Variants in IGSF10 observed in about 807,000 individuals in gnomAD.
The protein encoded by IGSF10 is immunoglobulin superfamily member 10.
A neutral mutation model predicts 128.2 loss-of-function variants in IGSF10; 126 were observed. The ratio of observed to expected loss-of-function variants is 0.98; its 90% CI spans 0.85 to 1.14. The LOEUF (loss-of-function observed/expected upper bound fraction) is 1.14. IGSF10 is among the 50% of genes most tolerant of loss of function. IGSF10 has a pLI of 0.00. For missense variants in IGSF10, 3,295 were observed against 3,149.8 expected (o/e 1.05, Z -1.10); for synonymous variants, 1,185 against 1,146.2 (o/e 1.03, Z -0.68).
chr3:151,442,032 G>A (rs1720887653), intron 7 of IGSF10, among the ~76,000 whole-genome samples: 2 of 152,334 alleles, frequency 1.3e-5, no homozygotes, highest in South Asian at 2.1e-4. Context: ...CTGCACTCCA[G>A]CCTGGGCGAC....
the IGSF10 span, among the ~76,000 whole-genome samples, chr3:151,469,287 GT>G: frequency 6.6e-6 from 1 of 152,076 alleles, no homozygotes; most frequent in Non-Finnish European, 1.5e-5. Flanking sequence ...TGGTATTTCT[GT>G]TTCTAGGTTT....
the IGSF10 span, among the ~76,000 whole-genome samples, chr3:151,488,225 C>T: frequency 3.1e-4 from 47 of 152,066 alleles, no homozygotes; most frequent in Admixed American, 5.9e-4. Context: ...TTCACAATTG[C>T]TACAAAGAGA....
the IGSF10 span, among the ~76,000 whole-genome samples, chr3:151,490,043 C>A: frequency 1.3e-5 from 2 of 152,110 alleles, no homozygotes; most frequent in South Asian, 4.1e-4. Context: ...TAAGTCTTTA[C>A]TTATCAATAA....
At position 151,447,711 on chromosome 3, in the gene IGSF10, G is replaced by C. The variant is rs369529396; in HGVS notation, c.2270C>G (p.Ala757Gly). The C allele has an allele frequency of 6.2e-7, 1 of 1,613,982 alleles. No individual in the cohort carries two copies. ...CTTTTTAGCTTTCTCCAACAGTGCC[G>C]CCCAATGTTGTGGGTCAATTCTCCT... ...SARRIDPQHW[A>G]ALLEKAKKNA... Residue 757 changes from alanine (A) to glycine (G), a missense_variant, in exon 6 of 8, where the codon GCG becomes GGG. Transcript: ENST00000282466.
the IGSF10 span, among the ~76,000 whole-genome samples, chr3:151,519,766 ATGAT>A: frequency 6.6e-6 from 1 of 151,822 alleles, no homozygotes; most frequent in Non-Finnish European, 1.5e-5. Context: ...TGTACTGTGA[ATGAT>A]AAAGAGCCAC....
intron 3 of IGSF10, 62 bp downstream of exon 3, chr3:151,458,454 G>A: frequency 8.3e-7 from 1 of 1,208,664 alleles, no homozygotes; most frequent in Non-Finnish European, 1.1e-6. Context: ...AGATGTTTGA[G>A]GGACAAGTCA....
the IGSF10 span, among the ~76,000 whole-genome samples, chr3:151,598,070 G>GGTGT: frequency 0.18 from 24,944 of 137,506 alleles, 2,270 homozygotes; most frequent in East Asian, 0.3. Flanking sequence ...AATGAGTACT[G>GGTGT]GTGTGTGTGT....
upstream of IGSF10, among the ~76,000 whole-genome samples, chr3:151,463,562 C>T (rs34810250): frequency 0.78 from 65,030 of 82,884 alleles, 24,304 homozygotes; most frequent in Middle Eastern, 0.87. Flanking sequence ...TTTTTTTTTT[C>T]TGAGACGGAG....
the IGSF10 span, among the ~76,000 whole-genome samples, chr3:151,533,530 C>T: frequency 6.6e-6 from 1 of 152,078 alleles, no homozygotes; most frequent in African/African-American, 2.4e-5. Context: ...CTTTGACAAA[C>T]CTGATAAAAA....
chr3:151,453,992 G>GAT (rs1358053868), intron 4 of IGSF10, among the ~76,000 whole-genome samples: 1 of 149,410 alleles, frequency 6.7e-6, no homozygotes, highest in Non-Finnish European at 1.5e-5. Flanking sequence ...TAAGGAATGA[G>GAT]ATATATATAT....
the IGSF10 span, among the ~76,000 whole-genome samples, chr3:151,618,969 A>G: frequency 6.6e-6 from 1 of 151,494 alleles, no homozygotes; most frequent in African/African-American, 2.4e-5. Flanking sequence ...ATATTTATGT[A>G]CAAAGACCCT....
At chr3:151,553,188 A>C in the IGSF10 span, among the ~76,000 whole-genome samples, 2 of 152,168 alleles carry the variant, frequency 1.3e-5, no homozygotes, top group African/African-American at 4.8e-5. Context: ...TGTTCTGCTG[A>C]AGGGTTAGCA....
chr3:151,576,741 T>G, the IGSF10 span, among the ~76,000 whole-genome samples: 2 of 152,132 alleles, frequency 1.3e-5, no homozygotes, highest in Admixed American at 1.3e-4. Context: ...CCACGAGAGT[T>G]TACAAATGCC....
chr3:151,447,158 G>T lies in IGSF10; in HGVS notation c.2823C>A (p.Asn941Lys), dbSNP rs1319497581. Reference protein sequence around the residue: ...VNVKMLSSTTNKLLLESVNTT... With the variant: ...VNVKMLSSTTKKLLLESVNTT... The stretch of plus-strand genomic sequence containing the variant: ...TATTTACTGACTCTAATAATAGTTT[G>T]TTGGTGGTGCTACTAAGCATTTTGA... Residue 941 changes from asparagine to lysine, a missense_variant, in exon 6 of 8, where the codon AAC (asparagine) becomes AAA (lysine). Physicochemically the swap from Asn to Lys is moderately conservative, Grantham distance 94. Coordinates refer to ENST00000282466, the MANE Select transcript of IGSF10 (RefSeq NM_178822.5). The T allele has an allele frequency of 1.2e-6, 2 of 1,614,178 alleles. No homozygotes were observed. The highest frequency in any genetic ancestry group is 1.3e-5 in the African/African-American group (1 of 75,052).
the IGSF10 span, among the ~76,000 whole-genome samples, chr3:151,570,589 C>A: frequency 6.6e-6 from 1 of 151,818 alleles, no homozygotes; most frequent in Non-Finnish European, 1.5e-5. Flanking sequence ...GTTGTTTGAT[C>A]TTTTCTTGTA....
intron 6 of IGSF10, among the ~76,000 whole-genome samples, 180 bp from the exon 7 acceptor site, chr3:151,444,064 A>G (rs1013973147): frequency 3.3e-5 from 5 of 152,126 alleles, no homozygotes; most frequent in African/African-American, 1.2e-4. Context: ...ACTTAAGCCC[A>G]GGAGTTCAAG....
At chr3:151,593,477 C>T in the IGSF10 span, among the ~76,000 whole-genome samples, 1 of 151,938 alleles carries the variant, frequency 6.6e-6, no homozygotes, top group South Asian at 2.1e-4. Context: ...TTATGCATGG[C>T]AAATTATGTC....
At chr3:151,583,853 A>G in the IGSF10 span, among the ~76,000 whole-genome samples, 2 of 152,194 alleles carry the variant, frequency 1.3e-5, no homozygotes, top group African/African-American at 4.8e-5. Context: ...GAGTCCTTGT[A>G]GATTTGTCAA....
the IGSF10 span, among the ~76,000 whole-genome samples, chr3:151,487,932 C>T: frequency 2.6e-5 from 4 of 152,136 alleles, no homozygotes; most frequent in East Asian, 7.7e-4. Flanking sequence ...GACAAGGATG[C>T]CCTCTCTCAC....
Sources: allele counts gnomAD v4.1 joint callset (sites outside exome capture counted in the v4.1 genomes callset), GRCh38; gene constraint gnomAD v4.1.1; transcripts MANE v1.5; gene names NCBI Gene and HGNC (gene_info 2026-07-23, HGNC 2026-07-21).